Variants in CRADD observed in about 807,000 individuals in gnomAD.
CRADD encodes death domain-containing protein CRADD.
Under a neutral mutation model 15.5 loss-of-function variants are expected in CRADD, and 9 were observed. The ratio of observed to expected loss-of-function variants is 0.58; its 90% confidence interval spans 0.35 to 1.01. The LOEUF is 1.01. CRADD is among the 50% of genes least tolerant of loss of function. The pLI is 0.02. For missense variants in CRADD, 227 were observed against 250.3 expected (o/e 0.91, Z 0.63); for synonymous variants, 118 against 107.6 (o/e 1.10, Z -0.60).
chr12:93,724,992 C>T (rs1301116545), intron 2 of CRADD, among the ~76,000 whole-genome samples: 1 of 152,110 alleles, frequency 6.6e-6, no homozygotes, highest in Non-Finnish European at 1.5e-5. Context: ...TCGCAAGTAG[C>T]TGGGACTTCA....
chr12:93,893,305 A>G (rs1210397348), intron 2 of CRADD, among the ~76,000 whole-genome samples: 2 of 152,146 alleles, frequency 1.3e-5, no homozygotes, highest in Non-Finnish European at 2.9e-5. Context: ...AAAGAAAAGG[A>G]TGCTAATTTT....
At chr12:93,827,794 G>T (rs1474605088) in intron 2 of CRADD, among the ~76,000 whole-genome samples, 1 of 152,154 alleles carries the variant, frequency 6.6e-6, no homozygotes, top group Admixed American at 6.5e-5. Context: ...ATACAGTATT[G>T]TTAAGTATAG....
intron 2 of CRADD, among the ~76,000 whole-genome samples, chr12:93,726,126 T>C (rs1467409971): frequency 2.3e-5 from 3 of 130,978 alleles, no homozygotes; most frequent in African/African-American, 8.3e-5. Context: ...TTTCTTGAGA[T>C]GGAGTTTCAC....
At chr12:93,779,537 G>T (rs955455878) in intron 2 of CRADD, among the ~76,000 whole-genome samples, 1 of 150,618 alleles carries the variant, frequency 6.6e-6, no homozygotes, top group South Asian at 2.1e-4. Context: ...GAAATAAAAA[G>T]AAAGTTTCTG....
chr12:93,684,195 A>G (rs536763066), intron 2 of CRADD, among the ~76,000 whole-genome samples: 16 of 152,312 alleles, frequency 1.1e-4, no homozygotes, highest in Admixed American at 8.5e-4. Context: ...AGTCTTGACC[A>G]TGTGCTAAAC....
At chr12:93,870,843 C>T (rs752077424) in intron 2 of CRADD, among the ~76,000 whole-genome samples, 1 of 152,180 alleles carries the variant, frequency 6.6e-6, no homozygotes, top group South Asian at 2.1e-4. Flanking sequence ...CACATATCTG[C>T]CTCAGGGGGC....
chr12:93,815,486 G>A (rs971525132), intron 2 of CRADD: 1 of 152,070 alleles, frequency 6.6e-6, no homozygotes, highest in Admixed American at 6.5e-5. Flanking sequence ...TTTTCTGTAA[G>A]CTATTTTCTT....
intron 2 of CRADD, among the ~76,000 whole-genome samples, chr12:93,873,897 T>TGTGTGC (rs1958439789): frequency 6.6e-6 from 1 of 151,966 alleles, no homozygotes; most frequent in African/African-American, 2.4e-5. Context: ...TGTGTGTTTG[T>TGTGTGC]GTGTGCGTGT....
intron 2 of CRADD, among the ~76,000 whole-genome samples, chr12:93,719,031 A>G (rs1273295171): frequency 6.6e-6 from 1 of 152,178 alleles, no homozygotes; most frequent in Admixed American, 6.5e-5. Context: ...AAGTGCTGGG[A>G]TTACAGGTGT....
chr12:93,886,594 C>T (rs1012790732), intron 2 of CRADD, among the ~76,000 whole-genome samples: 1 of 152,102 alleles, frequency 6.6e-6, no homozygotes, highest in African/African-American at 2.4e-5. Context: ...ATAGGCAGTT[C>T]AAGTAATGGG....
At chr12:93,839,223 G>A (rs1376345083) in intron 2 of CRADD, among the ~76,000 whole-genome samples, 1 of 152,092 alleles carries the variant, frequency 6.6e-6, no homozygotes, top group East Asian at 1.9e-4. Context: ...CCAGCAATGA[G>A]CTTTTAGATT....
At chr12:93,801,132 C>G (rs1373082533) in intron 2 of CRADD, among the ~76,000 whole-genome samples, 1 of 152,136 alleles carries the variant, frequency 6.6e-6, no homozygotes, top group Non-Finnish European at 1.5e-5. Flanking sequence ...CCTGTCAGTC[C>G]CATGTGTAAT....
chr12:93,849,509 G>A (rs919070636), intron 2 of CRADD, among the ~76,000 whole-genome samples: 12 of 152,152 alleles, frequency 7.9e-5, no homozygotes, highest in Non-Finnish European at 1.8e-4. Flanking sequence ...GGGAGGCCAA[G>A]GCAGGTGGAT....
chr12:93,806,705 G>T (rs1413328976), intron 2 of CRADD, among the ~76,000 whole-genome samples: 1 of 152,044 alleles, frequency 6.6e-6, no homozygotes, highest in African/African-American at 2.4e-5. Context: ...AAAATAAGGA[G>T]TAGAAGACAT....
intron 2 of CRADD, among the ~76,000 whole-genome samples, chr12:93,774,946 G>A (rs1957125729): frequency 6.6e-6 from 1 of 152,198 alleles, no homozygotes; most frequent in Non-Finnish European, 1.5e-5. Flanking sequence ...GCTTTATGGA[G>A]GCAGGGTCTT....
chr12:93,798,207 A>G (rs1347984998), intron 2 of CRADD, among the ~76,000 whole-genome samples: 1 of 152,196 alleles, frequency 6.6e-6, no homozygotes, highest in Non-Finnish European at 1.5e-5. Flanking sequence ...CCAGGAAATG[A>G]TACCTTTCTT....
At chr12:93,705,587 A>G (rs1955929554) in intron 2 of CRADD, among the ~76,000 whole-genome samples, 1 of 152,238 alleles carries the variant, frequency 6.6e-6, no homozygotes, top group African/African-American at 2.4e-5. Context: ...AGAAGGTGCA[A>G]GAAGCTTAGT....
At chr12:93,696,525 A>G (rs1955710289) in intron 2 of CRADD, among the ~76,000 whole-genome samples, 1 of 152,228 alleles carries the variant, frequency 6.6e-6, no homozygotes, top group African/African-American at 2.4e-5. Flanking sequence ...TGTAGAATCT[A>G]AAAAAGTTGA....
intron 1 of CRADD, among the ~76,000 whole-genome samples, chr12:93,678,535 T>C (rs182649793): frequency 2.0e-5 from 3 of 152,254 alleles, no homozygotes; most frequent in Admixed American, 6.5e-5. Flanking sequence ...TGGGACCCCA[T>C]TGTGTGAAAA....
Sources: allele counts gnomAD v4.1 joint callset (sites outside exome capture counted in the v4.1 genomes callset), GRCh38; gene constraint gnomAD v4.1.1; transcripts MANE v1.5; gene names NCBI Gene and HGNC (gene_info 2026-07-23, HGNC 2026-07-21).